Variants in SPAG17 observed in about 807,000 individuals in gnomAD.
SPAG17 encodes sperm-associated antigen 17.
In SPAG17, 169 loss-of-function variants were observed where a neutral mutation model predicts 273.6. The observed-to-expected ratio is 0.62, with a 90% CI of 0.55 to 0.70. The LOEUF (loss-of-function observed/expected upper bound fraction) is 0.70. Ranked by LOEUF, SPAG17 falls within the 30% of genes least tolerant of loss-of-function variation. The pLI is 0.00. For synonymous variants in SPAG17, 825 were observed against 873.2 expected (o/e 0.94, Z 0.97); for missense variants, 2,557 against 2,627.8 (o/e 0.97, Z 0.59).
chr1:118,114,848 C>A lies in SPAG17; in HGVS notation c.447+462G>T, dbSNP rs560602156. 2.0e-5 allele frequency among the ~76,000 whole-genome samples: 3 copies of A among 152,216 alleles called. No individual in the cohort carries two copies. In the South Asian group the frequency reaches 6.2e-4, roughly 32 times the overall value. ...ATATAGGAGTAGAAGTGATGGATTG[C>A]TGCTGAAATATTCAGATTATTATGA... On this transcript the variant is annotated intron_variant, in intron 4 of 48. Transcript: ENST00000336338.
intron 15 of SPAG17, among the ~76,000 whole-genome samples, chr1:118,077,469 C>T (rs1015191145): frequency 6.6e-6 from 1 of 152,194 alleles, no homozygotes; most frequent in South Asian, 2.1e-4. Flanking sequence ...GAATCCAGCA[C>T]ACCAATTTAT....
chr1:118,052,998 T>C (rs955577191), intron 20 of SPAG17, among the ~76,000 whole-genome samples: 3 of 151,982 alleles, frequency 2.0e-5, no homozygotes, highest in African/African-American at 7.2e-5. Flanking sequence ...AAGACCCTCC[T>C]CCCACCAGAC....
At chr1:118,164,314 T>C (rs1660062982) in intron 1 of SPAG17, among the ~76,000 whole-genome samples, 3 of 152,316 alleles carry the variant, frequency 2.0e-5, no homozygotes, top group Admixed American at 1.3e-4. Context: ...AACTGAGCTC[T>C]TCATATCTCT....
In SPAG17 at chr1:117,992,109, C is replaced by G. The variant is rs75919178; in HGVS notation, c.5361+357G>C. Among the ~76,000 whole-genome samples, 843 of 152,136 alleles carry G rather than the reference C, an allele frequency of 5.5e-3. 6 individuals carry two copies. Among genetic ancestry groups the G allele is most frequent in the African/African-American group, 0.019 (799 of 41,498 alleles). On this transcript the variant is annotated intron_variant, in intron 36 of 48. Transcript: ENST00000336338. Reference sequence around the variant, plus strand: ...ACTATATATTTACAAATTCTTAGACCGCTTCCAAAGGCTTTTACTCTGTGG... The same window carrying G: ...ACTATATATTTACAAATTCTTAGACGGCTTCCAAAGGCTTTTACTCTGTGG...
intron 1 of SPAG17, among the ~76,000 whole-genome samples, chr1:118,165,054 C>T (rs2102379910): frequency 6.6e-6 from 1 of 152,314 alleles, no homozygotes; most frequent in South Asian, 2.1e-4. Context: ...AGTGTCTCAG[C>T]CCAACAGTGT....
intron 18 of SPAG17, among the ~76,000 whole-genome samples, chr1:118,061,210 C>G (rs760035577): frequency 6.6e-6 from 1 of 151,486 alleles, no homozygotes; most frequent in Non-Finnish European, 1.5e-5. Flanking sequence ...AGTATATATG[C>G]AAAAAAAATT....
intron 27 of SPAG17, among the ~76,000 whole-genome samples, chr1:118,024,520 T>C (rs1647501420): frequency 6.6e-6 from 1 of 152,176 alleles, no homozygotes; most frequent in Admixed American, 6.5e-5. Context: ...ATGGGATTGC[T>C]TTCTTTCCAA....
At chr1:118,012,069 T>C (rs1659529755) in intron 30 of SPAG17, among the ~76,000 whole-genome samples, 159 bp downstream of exon 30, 1 of 152,100 alleles carries the variant, frequency 6.6e-6, no homozygotes, top group African/African-American at 2.4e-5. Flanking sequence ...ACTAAATCCT[T>C]ATAGACCCTG....
intron 3 of SPAG17, among the ~76,000 whole-genome samples, chr1:118,124,337 A>C (rs898035512): frequency 6.6e-6 from 1 of 152,042 alleles, no homozygotes; most frequent in East Asian, 1.9e-4. Flanking sequence ...TATATTTCCT[A>C]AGGGATTTAG....
In SPAG17 at chr1:118,129,541, T is replaced by C. The variant is rs142840993; in HGVS notation, c.316-14100A>G. Among the ~76,000 whole-genome samples, 17 of 152,312 alleles carry C rather than the reference T, an allele frequency of 1.1e-4. No homozygotes were observed. The East Asian group carries it at 3.1e-3, about 28-fold the overall frequency. ...ACCTGGTTTCTTATGTGGCCTTTCA[T>C]AATAATGTATTTAGCCCACATATTG... On this transcript the variant is annotated intron_variant, in intron 3 of 48. Transcript: ENST00000336338.
chr1:117,999,710 A>C (rs937196164), intron 32 of SPAG17, among the ~76,000 whole-genome samples: 4 of 152,072 alleles, frequency 2.6e-5, no homozygotes, highest in African/African-American at 9.7e-5. Context: ...TTCTTTGTAG[A>C]TTCTGGATAT....
intron 32 of SPAG17, among the ~76,000 whole-genome samples, 173 bp from the exon 33 acceptor site, chr1:117,996,916 C>A (rs1427038351): frequency 1.3e-5 from 2 of 152,008 alleles, no homozygotes; most frequent in East Asian, 3.9e-4. Context: ...AAGTAAAAAC[C>A]TAGCAGCATA....
intron 18 of SPAG17, among the ~76,000 whole-genome samples, chr1:118,058,049 T>C (rs959622819): frequency 3.9e-5 from 6 of 152,078 alleles, no homozygotes; most frequent in Non-Finnish European, 8.8e-5. Flanking sequence ...AATTTATTTA[T>C]AAAATTAAAT....
intron 17 of SPAG17, among the ~76,000 whole-genome samples, chr1:118,068,447 C>T (rs569681877): frequency 3.9e-5 from 6 of 152,104 alleles, no homozygotes; most frequent in Non-Finnish European, 8.8e-5. Context: ...AAAACCATTG[C>T]GTTTATGATG....
At chr1:118,064,584 T>G (rs1652745436) in intron 18 of SPAG17, among the ~76,000 whole-genome samples, 2 of 91,794 alleles carry the variant, frequency 2.2e-5, no homozygotes, top group Admixed American at 1.5e-4. Context: ...TGGGGCCTGT[T>G]GTGGGGTGGG....
rs201492235 is a variant in SPAG17, at chr1:117,963,819, G to A, written c.6652C>T (p.Arg2218Cys). 31 of 1,612,640 alleles carry A rather than the reference G, an allele frequency of 1.9e-5. No homozygotes were observed. The South Asian group carries it at 3.0e-4, about 15-fold the overall frequency. ...TGTACCTAATGTGGAGAAACTTTAC[G>A]AGACATGAAGACTCCAAGTGTGGAG... ...YSSTLGVFMS[R>C]KVSPH The change falls in exon 48 of 49, where the codon CGT becomes TGT. Residue 2218 changes from arginine to cysteine, a missense_variant. Arg to Cys is a radical substitution (Grantham distance 180). Transcript: ENST00000336338.
At chr1:118,068,058 G>C (rs1208040742) in intron 17 of SPAG17, among the ~76,000 whole-genome samples, 1 of 151,872 alleles carries the variant, frequency 6.6e-6, no homozygotes, top group Non-Finnish European at 1.5e-5. Flanking sequence ...AGACAGCTGT[G>C]GGCTTTCGTT....
chr1:118,019,895 A>G (rs1571257037), intron 28 of SPAG17, among the ~76,000 whole-genome samples: 1 of 152,228 alleles, frequency 6.6e-6, no homozygotes, highest in African/African-American at 2.4e-5. Context: ...ACATAAAGAC[A>G]TTTTTAGAAA....
At chr1:118,031,923 T>C (rs1648522106) in intron 24 of SPAG17, 56 bp from the exon 25 acceptor site, 2 of 1,395,364 alleles carry the variant, frequency 1.4e-6, no homozygotes, top group Non-Finnish European at 2.0e-6. Context: ...TTGATATCCT[T>C]GTGAAATAAC....
Sources: allele counts gnomAD v4.1 joint callset (sites outside exome capture counted in the v4.1 genomes callset), GRCh38; gene constraint gnomAD v4.1.1; transcripts MANE v1.5; gene names NCBI Gene and HGNC (gene_info 2026-07-23, HGNC 2026-07-21).